Variants in SLC29A3 observed in about 807,000 individuals in gnomAD.
The protein encoded by SLC29A3 is solute carrier family 29 member 3, also known as equilibrative nucleoside transporter 3.
SLC29A3 carries 18 observed loss-of-function variants against 25.4 expected under a neutral mutation model. That is an observed-to-expected ratio of 0.71 (90% CI 0.49 to 1.05). SLC29A3 has a LOEUF of 1.05. Among genes scored for constraint, SLC29A3 ranks in the 50% least tolerant of loss-of-function variants. SLC29A3 has a pLI of 0.00. For missense variants in SLC29A3, 586 were observed against 609.0 expected (o/e 0.96, Z 0.40); for synonymous variants, 258 against 267.1 (o/e 0.97, Z 0.33).
intron 1 of SLC29A3, among the ~76,000 whole-genome samples, chr10:71,320,775 G>A (rs752256223): frequency 1.8e-4 from 27 of 152,190 alleles, no homozygotes; most frequent in Non-Finnish European, 2.1e-4. Context: ...TGCAGAGTCC[G>A]TTCATTCAGC....
chr10:71,334,635 T>C, intron 2 of SLC29A3, among the ~76,000 whole-genome samples: 1 of 152,234 alleles, frequency 6.6e-6, no homozygotes, highest in East Asian at 1.9e-4. Flanking sequence ...AATCCATCTC[T>C]GAGTATTTGT....
chr10:71,334,013 A>G (rs558243758), intron 2 of SLC29A3, among the ~76,000 whole-genome samples: 1 of 152,226 alleles, frequency 6.6e-6, no homozygotes, highest in Non-Finnish European at 1.5e-5. Context: ...GTATAAAGGT[A>G]GGTAGAAATG....
At chr10:71,380,933 A>G (rs923455382) in exon 5 of SLC29A3, 1 of 152,166 alleles carries the variant, frequency 6.6e-6, no homozygotes, top group African/African-American at 2.4e-5. Context: ...GAAAAACCCA[A>G]AACAGAACAG....
At chr10:71,376,911 G>A (rs1847256399) in intron 4 of SLC29A3, among the ~76,000 whole-genome samples, 1 of 152,262 alleles carries the variant, frequency 6.6e-6, no homozygotes, top group East Asian at 1.9e-4. Context: ...GAGTAGCTGG[G>A]ATTACAGGCA....
At chr10:71,365,673 G>T (rs1847165128), downstream of SLC29A3, 1 of 152,050 alleles carries the variant, frequency 6.6e-6, no homozygotes, top group Non-Finnish European at 1.5e-5. Context: ...AGGGAGGAAG[G>T]AAAATAAAAA....
At chr10:71,347,439 A>C (rs1846621163) in intron 3 of SLC29A3, among the ~76,000 whole-genome samples, 1 of 152,082 alleles carries the variant, frequency 6.6e-6, no homozygotes, top group Admixed American at 6.6e-5. Flanking sequence ...CCCTGTCTCC[A>C]AGTAGAACCC....
At chr10:71,326,821 G>A (rs1040887070) in intron 2 of SLC29A3, among the ~76,000 whole-genome samples, 3 of 152,202 alleles carry the variant, frequency 2.0e-5, no homozygotes, top group African/African-American at 7.2e-5. Context: ...TCAGCTGCCC[G>A]GAGCTCCTGG....
intron 2 of SLC29A3, among the ~76,000 whole-genome samples, chr10:71,327,659 C>T (rs1043159021): frequency 3.9e-5 from 6 of 152,084 alleles, no homozygotes; most frequent in African/African-American, 1.4e-4. Flanking sequence ...ATTACAGACT[C>T]ATTCATACTC....
intron 4 of SLC29A3, among the ~76,000 whole-genome samples, chr10:71,378,321 T>C (rs996050347): frequency 1.3e-5 from 2 of 152,102 alleles, no homozygotes; most frequent in African/African-American, 4.8e-5. Context: ...CTTGCAAGCT[T>C]CTCTGCGGTT....
chr10:71,330,854 CT>C (rs1846102553), intron 2 of SLC29A3, among the ~76,000 whole-genome samples: 1 of 151,076 alleles, frequency 6.6e-6, no homozygotes, highest in Admixed American at 6.6e-5. Flanking sequence ...TTTTCATGAT[CT>C]TTTGTTTGTT....
In SLC29A3 at chr10:71,363,196, C is replaced by T. The variant is rs1197517012; in HGVS notation, c.*588C>T. On this transcript the variant is annotated 3_prime_UTR_variant, in exon 6 of 6. Transcript: ENST00000373189. ...AAAGATGGGCCTTCCATGAATGCTT[C>T]ATTCCAGAGGGACCAGAGGGCCTCC... 5 of 449,736 alleles carry T rather than the reference C, an allele frequency of 1.1e-5. No individual in the cohort carries two copies. Among genetic ancestry groups the T allele is most frequent in the South Asian group, 7.8e-5 (5 of 63,788 alleles). 27.9% of individuals were successfully genotyped at this position (449,736 alleles called of 1,614,324 possible). A position where few individuals can be genotyped will look rare whatever the true frequency, so the allele number is the denominator to read the frequency against.
chr10:71,355,065 C>T (rs938088689), intron 4 of SLC29A3, among the ~76,000 whole-genome samples: 2 of 152,176 alleles, frequency 1.3e-5, no homozygotes, highest in Non-Finnish European at 2.9e-5. Flanking sequence ...GCAGTCGTGG[C>T]GAGGCAGGGC....
chr10:71,348,995 A>C (rs1240094557), intron 3 of SLC29A3, among the ~76,000 whole-genome samples: 1 of 152,188 alleles, frequency 6.6e-6, no homozygotes, highest in African/African-American at 2.4e-5. Flanking sequence ...ATGGCTGAGC[A>C]GGAGGGAGCT....
At chr10:71,367,070 A>G (rs780689), downstream of SLC29A3, among the ~76,000 whole-genome samples, 117,842 of 152,170 alleles carry the variant, frequency 0.77, 46,599 homozygotes, top group Non-Finnish European at 0.86. Flanking sequence ...GGCTATTGGG[A>G]AAGGAGTAGT....
At chr10:71,325,336 G>T (rs552787498) in intron 2 of SLC29A3, among the ~76,000 whole-genome samples, 3 of 152,330 alleles carry the variant, frequency 2.0e-5, no homozygotes, top group African/African-American at 7.2e-5. Flanking sequence ...GAGTCCTTTT[G>T]TAGTTCATGA....
At chr10:71,328,354 A>G (rs1446410793) in intron 2 of SLC29A3, among the ~76,000 whole-genome samples, 1 of 152,174 alleles carries the variant, frequency 6.6e-6, no homozygotes, top group Non-Finnish European at 1.5e-5. Context: ...TAGGGGCTCC[A>G]TGCCTGGGTC....
At chr10:71,325,154 C>G (rs1315703509) in intron 2 of SLC29A3, among the ~76,000 whole-genome samples, 1 of 152,160 alleles carries the variant, frequency 6.6e-6, no homozygotes. Context: ...CAGGAGGTGG[C>G]TCATCACTGC....
Position 71,322,962 on chromosome 10 carries a change from T to C in SLC29A3, c.208T>C (p.Phe70Leu). The change falls in exon 2 of 6, where the codon TTC becomes CTC. Residue 70 changes from phenylalanine to leucine, a missense_variant. Coordinates refer to ENST00000373189, the MANE Select transcript of SLC29A3 (RefSeq NM_018344.6). ...LGIGSLLPWN[F>L]FITAKEYWMF... ...CATTGGCAGTCTACTGCCATGGAACTTCTTTATCACTGCCAAGGAGTACTG... is the reference window on the plus strand; with the variant it reads ...CATTGGCAGTCTACTGCCATGGAACCTCTTTATCACTGCCAAGGAGTACTG... 1 of 1,614,208 alleles carries C rather than the reference T, an allele frequency of 6.2e-7. No individual in the cohort carries two copies. Among genetic ancestry groups the C allele is most frequent in the Non-Finnish European group, 8.5e-7 (1 of 1,180,044 alleles).
intron 2 of SLC29A3, among the ~76,000 whole-genome samples, chr10:71,334,570 G>C (rs979307321): frequency 2.0e-5 from 3 of 152,242 alleles, no homozygotes; most frequent in African/African-American, 7.2e-5. Flanking sequence ...AACTTGAGCT[G>C]AATCTCCCAT....
Sources: allele counts gnomAD v4.1 joint callset (sites outside exome capture counted in the v4.1 genomes callset), GRCh38; gene constraint gnomAD v4.1.1; transcripts MANE v1.5; gene names NCBI Gene and HGNC (gene_info 2026-07-23, HGNC 2026-07-21).